Variants in SLC39A11 observed in about 807,000 individuals in gnomAD.
SLC39A11 encodes solute carrier family 39 member 11.
SLC39A11 carries 33 observed loss-of-function variants against 36.1 expected under a neutral mutation model. That is an observed-to-expected ratio of 0.91 (90% confidence interval 0.69 to 1.22). SLC39A11 has a LOEUF of 1.22. Ranked by LOEUF, SLC39A11 falls within the 50% of genes most tolerant of loss-of-function variation. The pLI is 0.00. For missense variants in SLC39A11, 432 were observed against 430.3 expected (o/e 1.00, Z -0.03); for synonymous variants, 166 against 170.3 (o/e 0.97, Z 0.20).
chr17:72,670,197 A>ATTT (rs2070957364), intron 7 of SLC39A11, among the ~76,000 whole-genome samples: 2 of 136,550 alleles, frequency 1.5e-5, no homozygotes, highest in Non-Finnish European at 3.1e-5. Flanking sequence ...ACACACACAC[A>ATTT]CACACACACA....
At chr17:72,766,942 G>A (rs925716903) in intron 6 of SLC39A11, among the ~76,000 whole-genome samples, 8 of 151,922 alleles carry the variant, frequency 5.3e-5, no homozygotes, top group African/African-American at 1.9e-4. Flanking sequence ...CCCTCCAGCT[G>A]GAGAGATGTC....
intron 6 of SLC39A11, among the ~76,000 whole-genome samples, chr17:72,803,227 T>C (rs2077152734): frequency 6.6e-6 from 1 of 152,238 alleles, no homozygotes; most frequent in Non-Finnish European, 1.5e-5. Flanking sequence ...CCCATCCCTC[T>C]GGCGCTGCCA....
chr17:73,009,742 A>G (rs2090406177), intron 4 of SLC39A11, among the ~76,000 whole-genome samples: 2 of 152,014 alleles, frequency 1.3e-5, no homozygotes. Context: ...AATACAACAA[A>G]TTTTTTTTAT....
chr17:72,676,938 A>G (rs564787194), intron 7 of SLC39A11, among the ~76,000 whole-genome samples: 29 of 152,228 alleles, frequency 1.9e-4, no homozygotes, highest in Non-Finnish European at 3.2e-4. Flanking sequence ...GAAGATTCTT[A>G]GAAACTTGTG....
chr17:72,946,676 C>T lies in SLC39A11; in HGVS notation c.430+1076G>A, dbSNP rs559344372. On this transcript the variant is annotated intron_variant, in intron 5 of 9. Coordinates refer to ENST00000255559, the MANE Select transcript of SLC39A11 (RefSeq NM_139177.4). ...AGCATCCTGGCATGGTTTTCGTCCCCGGGGTCTTGCAGGATTAAATGGGGA... is the reference window on the plus strand; with the variant it reads ...AGCATCCTGGCATGGTTTTCGTCCCTGGGGTCTTGCAGGATTAAATGGGGA... Among the ~76,000 whole-genome samples the T allele has an allele frequency of 8.1e-4, 123 of 152,222 alleles. 1 individual carries two copies. In the Middle Eastern group the frequency reaches 0.014, roughly 17 times the overall value.
rs112295927 is a variant in SLC39A11 at position 73,054,984 on chromosome 17, G to A, written c.148-23270C>T. Among the ~76,000 whole-genome samples, 250 of 152,210 alleles carry A rather than the reference G, an allele frequency of 1.6e-3. 5 individuals carry two copies. In the South Asian group the frequency reaches 0.026, roughly 16 times the overall value. ...GAAGGGATCAGGGTCCAGAAGAGAA[G>A]GGCAGAGCAAGTGAACCCCAAGGGC... On this transcript the variant is annotated intron_variant, in intron 3 of 9. Transcript: ENST00000255559.
intron 6 of SLC39A11, among the ~76,000 whole-genome samples, chr17:72,762,977 G>A (rs529106670): frequency 6.6e-6 from 1 of 152,300 alleles, no homozygotes; most frequent in Non-Finnish European, 1.5e-5. Context: ...GTGAGCATTG[G>A]TCCTTTTTGG....
At chr17:72,838,268 A>T (rs2078657904) in intron 6 of SLC39A11, 1 of 347,076 alleles carries the variant, frequency 2.9e-6, no homozygotes. Flanking sequence ...TTGCTCTGTC[A>T]CCTTGGCTGG....
chr17:72,739,170 C>G (rs948592804), intron 6 of SLC39A11, among the ~76,000 whole-genome samples: 7 of 151,292 alleles, frequency 4.6e-5, no homozygotes, highest in Non-Finnish European at 1.0e-4. Flanking sequence ...CTCTGTCGCC[C>G]AGGCTGGAGT....
At chr17:72,702,043 C>T (rs184427360) in intron 7 of SLC39A11, among the ~76,000 whole-genome samples, 123 of 42,324 alleles carry the variant, frequency 2.9e-3, no homozygotes, top group African/African-American at 7.9e-3. Flanking sequence ...GAGATGGAGG[C>T]TGCAGTGAGC....
chr17:72,691,354 T>C (rs150320333), intron 7 of SLC39A11, among the ~76,000 whole-genome samples: 2 of 152,226 alleles, frequency 1.3e-5, no homozygotes, highest in East Asian at 3.9e-4. Context: ...GACCCGGCCT[T>C]ACCCTTGGTC....
rs185214270 is a variant in SLC39A11 at position 72,716,898 on chromosome 17, G to A, written c.671+19752C>T. 2.2e-3 allele frequency among the ~76,000 whole-genome samples: 338 copies of A among 150,660 alleles called. 7 individuals carry two copies. The highest frequency in any genetic ancestry group is 4.9e-4 in the Non-Finnish European group (33 of 67,806). ...GCATGAGAATTGCTTGAACTCAGGG[G>A]GTGGAGGTTACAGTGAGCCAAGACG... On this transcript the variant is annotated intron_variant, in intron 7 of 9. Transcript: ENST00000255559.
intron 3 of SLC39A11, among the ~76,000 whole-genome samples, chr17:73,036,707 A>G (rs1420241188): frequency 6.6e-6 from 1 of 152,108 alleles, no homozygotes; most frequent in Non-Finnish European, 1.5e-5. Context: ...TCGGCCTCCC[A>G]AAGTGCTAGG....
intron 4 of SLC39A11, among the ~76,000 whole-genome samples, chr17:72,966,516 G>A (rs2086987960): frequency 6.6e-6 from 1 of 152,112 alleles, no homozygotes. Context: ...CACATCAGGA[G>A]GTGAGCAGCA....
intron 5 of SLC39A11, among the ~76,000 whole-genome samples, chr17:72,892,517 T>C (rs2146746951): frequency 6.6e-6 from 1 of 152,036 alleles, no homozygotes; most frequent in Non-Finnish European, 1.5e-5. Context: ...CTTTCTGGGG[T>C]AGAAAAAGAA....
rs945345892 is a variant in SLC39A11, at chr17:72,849,701, C to T, written c.534G>A (p.Gln178=). The change falls in exon 6 of 10, where the codon CAG becomes CAA. Residue 178 remains glutamine (Q), a synonymous_variant. Transcript: ENST00000255559. ...VPVPSRGNLA[Q]PGGSSWRRIA... ...TCCTCCTCCAGCTGCTGCCGCCGGG[C>T]TGTGCCAGATTCCCTCGAGAAGGCA... 1 of 1,610,990 alleles carries T rather than the reference C, an allele frequency of 6.2e-7. No homozygotes were observed. Among genetic ancestry groups the T allele is most frequent in the Admixed American group, 1.7e-5 (1 of 59,342 alleles).
At chr17:72,845,441 T>G (rs374344852) in intron 6 of SLC39A11, among the ~76,000 whole-genome samples, 13 of 152,220 alleles carry the variant, frequency 8.5e-5, no homozygotes, top group African/African-American at 3.1e-4. Context: ...ACACTCACTG[T>G]TTCCCAGAGA....
chr17:72,947,488 A>AC lies in SLC39A11; in HGVS notation c.430+263dup, dbSNP rs1257297632. ...CACCATCAGAGTGACCCCACTGTCC[A>AC]CCTGTCCAAGTCGAAAAGATGATCA... On this transcript the variant is annotated intron_variant, in intron 5 of 9. Coordinates refer to ENST00000255559, the MANE Select transcript of SLC39A11 (RefSeq NM_139177.4). 9.5e-5 allele frequency: 49 copies of AC among 517,164 alleles called. 1 individual carries two copies. The South Asian group carries it at 9.7e-4, about 10-fold the overall frequency. The allele number at this position is 517,164 out of a possible 1,614,324, so 32.0% of individuals were successfully genotyped here. A position where few individuals can be genotyped will look rare whatever the true frequency, so the allele number is the denominator to read the frequency against.
intron 4 of SLC39A11, among the ~76,000 whole-genome samples, chr17:72,962,535 T>C (rs1339802442): frequency 6.6e-6 from 1 of 152,100 alleles, no homozygotes; most frequent in Non-Finnish European, 1.5e-5. Context: ...TTGGGGGTTT[T>C]TTGCTAATTT....
Sources: allele counts gnomAD v4.1 joint callset (sites outside exome capture counted in the v4.1 genomes callset), GRCh38; gene constraint gnomAD v4.1.1; transcripts MANE v1.5; gene names NCBI Gene and HGNC (gene_info 2026-07-23, HGNC 2026-07-21).